Variants in PHYH observed in about 807,000 individuals in gnomAD.
PHYH encodes the protein phytanoyl-CoA 2-hydroxylase.
Under a neutral mutation model 38.5 loss-of-function variants are expected in PHYH, and 32 were observed. The observed-to-expected ratio is 0.83, with a 90% CI of 0.63 to 1.12. PHYH has a LOEUF of 1.12. PHYH is among the 50% of genes most tolerant of loss of function. PHYH has a pLI of 0.00. For synonymous variants in PHYH, 166 were observed against 157.9 expected (o/e 1.05, Z -0.38); for missense variants, 426 against 434.8 (o/e 0.98, Z 0.18).
intron 3 of PHYH, 70 bp from the exon 4 acceptor site, chr10:13,294,666 G>A: frequency 7.2e-7 from 1 of 1,396,616 alleles, no homozygotes; most frequent in East Asian, 2.3e-5. Flanking sequence ...CTCCTCTGTG[G>A]AAAGGGTTGC....
rs183962587 is a variant in PHYH, at chr10:13,286,562, A to C, written c.678+1798T>G. ...CTAAAAATATAAAAATTAGCTGAGC[A>C]TGGTGGCTTGTGCCTGTAGTCCCAG... is the stretch of plus-strand genomic sequence containing the variant. On this transcript the variant is annotated intron_variant, in intron 6 of 8. Coordinates refer to ENST00000263038, the MANE Select transcript of PHYH (RefSeq NM_006214.4). Among the ~76,000 whole-genome samples the C allele has an allele frequency of 3.9e-5, 6 of 152,048 alleles. No homozygotes were observed. In the East Asian group the frequency reaches 9.7e-4, roughly 25 times the overall value.
chr10:13,288,598 C>T (rs1049240682), intron 5 of PHYH, 57 bp from the exon 6 acceptor site: 12 of 1,533,286 alleles, frequency 7.8e-6, no homozygotes, highest in Non-Finnish European at 1.1e-5. Context: ...TGGCTCACGC[C>T]TGTAACCCCA....
intron 8 of PHYH, among the ~76,000 whole-genome samples, chr10:13,279,469 A>G (rs1252166460): frequency 6.6e-6 from 1 of 152,180 alleles, no homozygotes; most frequent in Non-Finnish European, 1.5e-5. Flanking sequence ...TTTATTTTTG[A>G]GCAAACAGCA....
chr10:13,288,662 G>A, intron 5 of PHYH, 121 bp from the exon 6 acceptor site: 1 of 950,620 alleles, frequency 1.1e-6, no homozygotes, highest in Non-Finnish European at 1.7e-6. Flanking sequence ...GCAGATGGAT[G>A]GCTTGAGCCT....
At position 13,296,975 on chromosome 10, in the gene PHYH, AAATAT is replaced by A. The variant is rs762485305; in HGVS notation, c.134+1207_134+1211del. Among the ~76,000 whole-genome samples, 33 of 151,580 alleles carry A rather than the reference AAATAT, an allele frequency of 2.2e-4. 2 individuals are homozygous for A. The South Asian group carries it at 6.2e-3, about 29-fold the overall frequency. ...TCTCAAAATAAAATAAAATATAATA[AAATAT>A]AATAAAATAAAAAATAGTATGGACA... is the stretch of plus-strand genomic sequence containing the variant. On this transcript the variant is annotated intron_variant, in intron 2 of 8. Transcript: ENST00000263038.
At chr10:13,293,630 T>C (rs183402483) in intron 4 of PHYH, among the ~76,000 whole-genome samples, 2 of 151,854 alleles carry the variant, frequency 1.3e-5, no homozygotes, top group African/African-American at 4.8e-5. Flanking sequence ...CAATCTTTGT[T>C]TTTTTCTTTT....
chr10:13,282,323 G>A lies in PHYH; in HGVS notation c.829-1213C>T, dbSNP rs141244812. 8.0e-4 allele frequency among the ~76,000 whole-genome samples: 122 copies of A among 152,176 alleles called. 1 individual carries two copies. Among genetic ancestry groups the A allele is most frequent in the African/African-American group, 2.9e-3 (119 of 41,528 alleles). On this transcript the variant is annotated intron_variant, in intron 7 of 8. Coordinates refer to ENST00000263038, the MANE Select transcript of PHYH (RefSeq NM_006214.4). ...AAAAAACATTGGGCCAGGCGAGATG[G>A]CTCACATCTGTCATCCTAGCATTTT...
intron 7 of PHYH, among the ~76,000 whole-genome samples, chr10:13,282,591 C>CAAAAAAA (rs890313204): frequency 2.5e-5 from 2 of 79,398 alleles, no homozygotes; most frequent in African/African-American, 5.6e-5. Flanking sequence ...GACTCCACCT[C>CAAAAAAA]AAAAAAAAAA....
intron 7 of PHYH, among the ~76,000 whole-genome samples, chr10:13,281,756 A>G (rs942978942): frequency 6.6e-6 from 1 of 152,182 alleles, no homozygotes; most frequent in African/African-American, 2.4e-5. Flanking sequence ...CTTTTTTGTC[A>G]CAAGTGATCA....
intron 7 of PHYH, 123 bp downstream of exon 7, chr10:13,283,559 GCCACAAAT>G (rs1203966879): frequency 9.9e-7 from 1 of 1,011,866 alleles, no homozygotes; most frequent in African/African-American, 1.6e-5. Flanking sequence ...TTGGTTAAAA[GCCACAAAT>G]CTTTAAAATG....
intron 1 of PHYH, chr10:13,299,534 G>A: frequency 2.0e-6 from 2 of 1,008,392 alleles, no homozygotes; most frequent in Non-Finnish European, 2.4e-6. Flanking sequence ...GGAGGGCACC[G>A]TCCTCTCCCC....
intron 3 of PHYH, 40 bp downstream of exon 3, chr10:13,295,456 A>G (rs766238923): frequency 1.0e-6 from 1 of 980,024 alleles, no homozygotes; most frequent in Admixed American, 1.7e-5. Flanking sequence ...ACATGCACAC[A>G]ATACATACTA....
intron 5 of PHYH, 52 bp from the exon 6 acceptor site, chr10:13,288,593 C>T (rs776306342): frequency 6.4e-6 from 10 of 1,558,822 alleles, no homozygotes; most frequent in Non-Finnish European, 8.8e-6. Context: ...TGCAGTGGCT[C>T]ACGCCTGTAA....
At chr10:13,278,576 A>G (rs1835344724) in intron 8 of PHYH, among the ~76,000 whole-genome samples, 1 of 152,110 alleles carries the variant, frequency 6.6e-6, no homozygotes, top group African/African-American at 2.4e-5. Flanking sequence ...GTCTCACCCC[A>G]TTGCCCAGGC....
Position 13,278,298 on chromosome 10 carries a change from A to C in PHYH, c.*3T>G. The C allele has an allele frequency of 6.2e-7, 1 of 1,603,714 alleles. No homozygotes were observed. The highest frequency in any genetic ancestry group is 2.2e-5 in the East Asian group (1 of 44,778). ...GTTGAAAGAGTTATAGCAGATGGCTATTTCAAAGATTGGTTCTTTCTCCTT... is the reference window on the plus strand; with the variant it reads ...GTTGAAAGAGTTATAGCAGATGGCTCTTTCAAAGATTGGTTCTTTCTCCTT... On this transcript the variant is annotated 3_prime_UTR_variant, in exon 9 of 9. Coordinates refer to ENST00000263038, the MANE Select transcript of PHYH (RefSeq NM_006214.4).
intron 5 of PHYH, among the ~76,000 whole-genome samples, 190 bp from the exon 6 acceptor site, chr10:13,288,731 C>A (rs1212705613): frequency 2.0e-5 from 3 of 151,698 alleles, no homozygotes; most frequent in East Asian, 1.9e-4. Flanking sequence ...GAAAACAAAA[C>A]AACAAAACAA....
chr10:13,281,294 G>C (rs759746227), intron 7 of PHYH, among the ~76,000 whole-genome samples, 184 bp from the exon 8 acceptor site: 5 of 152,040 alleles, frequency 3.3e-5, no homozygotes, highest in Non-Finnish European at 7.4e-5. Context: ...TTTCCAGCTA[G>C]AAGTTAATTG....
intron 1 of PHYH, chr10:13,299,342 T>G: frequency 1.5e-5 from 10 of 668,066 alleles, no homozygotes; most frequent in Non-Finnish European, 1.7e-5. Context: ...CGGCTCACTG[T>G]AACCCTGGAC....
chr10:13,294,880 C>T, intron 3 of PHYH: 1 of 444,328 alleles, frequency 2.3e-6, no homozygotes, highest in East Asian at 4.8e-5. Context: ...TAACACTTAC[C>T]ATGTGCCCAG....
Sources: gnomAD v4.1 joint callset for allele counts (sites outside exome capture counted in the v4.1 genomes callset) on GRCh38, gnomAD v4.1.1 for gene constraint, MANE v1.5 for transcripts, NCBI Gene and HGNC (gene_info 2026-07-23, HGNC 2026-07-21) for gene names.